CADPS2: variants seen among roughly 807,000 people sequenced by gnomAD.
CADPS2 encodes the protein calcium dependent secretion activator 2.
CADPS2 carries 93 observed loss-of-function variants against 172.5 expected under a neutral mutation model. That is an observed-to-expected ratio of 0.54 (90% CI 0.46 to 0.64). The LOEUF is 0.64. Ranked by LOEUF, CADPS2 falls within the 30% of genes least tolerant of loss-of-function variation. The probability of loss-of-function intolerance (pLI) is 0.00; values close to 1 mark genes in which losing one functional copy is unlikely to be tolerated. For missense variants in CADPS2, 1,420 were observed against 1,565.9 expected (o/e 0.91, Z 1.57); for synonymous variants, 546 against 555.2 (o/e 0.98, Z 0.23).
chr7:122,827,572 T>C (rs1805290968), intron 1 of CADPS2, among the ~76,000 whole-genome samples: 1 of 150,954 alleles, frequency 6.6e-6, no homozygotes, highest in African/African-American at 2.4e-5. Context: ...GCGGAGGTTC[T>C]GGTGAGCCAA....
At chr7:122,765,929 C>T (rs929965272) in intron 1 of CADPS2, among the ~76,000 whole-genome samples, 7 of 152,052 alleles carry the variant, frequency 4.6e-5, no homozygotes, top group South Asian at 2.1e-4. Flanking sequence ...GAATAGACAA[C>T]GTCTTAGTCC....
At chr7:122,659,201 T>C (rs1588192748) in intron 3 of CADPS2, among the ~76,000 whole-genome samples, 1 of 151,344 alleles carries the variant, frequency 6.6e-6, no homozygotes, top group African/African-American at 2.4e-5. Context: ...AGATTACTAT[T>C]ATTAATAGGC....
At chr7:122,732,232 AC>A (rs1341429663) in intron 2 of CADPS2, among the ~76,000 whole-genome samples, 14 of 151,700 alleles carry the variant, frequency 9.2e-5, no homozygotes, top group Non-Finnish European at 1.8e-4. Flanking sequence ...TTGTCAAATA[AC>A]GTGGAGAAAA....
intron 2 of CADPS2, among the ~76,000 whole-genome samples, chr7:122,674,960 G>C (rs936625978): frequency 6.6e-6 from 1 of 152,174 alleles, no homozygotes; most frequent in Non-Finnish European, 1.5e-5. Context: ...ATGAAGCTTT[G>C]TAACTGTGGT....
At chr7:122,749,159 T>C (rs529381983) in intron 1 of CADPS2, among the ~76,000 whole-genome samples, 2 of 152,138 alleles carry the variant, frequency 1.3e-5, no homozygotes, top group Admixed American at 6.6e-5. Context: ...GCATCCTCCT[T>C]CTGTCATATT....
At position 122,388,683 on chromosome 7, in the gene CADPS2, A is replaced by T; in HGVS notation, c.3064T>A (p.Phe1022Ile). 1 of 1,610,508 alleles carries T rather than the reference A, an allele frequency of 6.2e-7. No individual in the cohort carries two copies. The highest frequency in any genetic ancestry group is 1.1e-5 in the South Asian group (1 of 90,576). Residue 1022 changes from phenylalanine (F) to isoleucine (I), a missense_variant, in exon 23 of 30, where the codon TTT (phenylalanine) becomes ATT (isoleucine). Phe to Ile is a conservative substitution (Grantham distance 21, BLOSUM62 0). Transcript: ENST00000449022. Reference sequence around the variant, plus strand: ...TCTGGCCAGTGCAGATCAAAGACAAACATTTGCAGTGCATCAAGCTTCCAA... The same window carrying T: ...TCTGGCCAGTGCAGATCAAAGACAATCATTTGCAGTGCATCAAGCTTCCAA... ...LFWKLDALQMFVFDLHWPEQE... is the reference protein window; with the variant it reads ...LFWKLDALQMIVFDLHWPEQE...
chr7:122,833,547 T>C (rs1402877067), intron 1 of CADPS2, among the ~76,000 whole-genome samples: 1 of 151,344 alleles, frequency 6.6e-6, no homozygotes, highest in East Asian at 1.9e-4. Flanking sequence ...TTTTTGTTTG[T>C]TTGTTTTGTT....
intron 1 of CADPS2, among the ~76,000 whole-genome samples, chr7:122,745,140 T>C (rs1354931926): frequency 1.3e-5 from 2 of 152,020 alleles, no homozygotes; most frequent in Admixed American, 1.3e-4. Flanking sequence ...TGTGTGTGCA[T>C]GGCAGGAGCG....
chr7:122,691,619 G>A (rs2084379277), intron 2 of CADPS2, among the ~76,000 whole-genome samples: 1 of 152,184 alleles, frequency 6.6e-6, no homozygotes, highest in South Asian at 2.1e-4. Context: ...CATATGATGA[G>A]GCTATGCATA....
intron 1 of CADPS2, among the ~76,000 whole-genome samples, chr7:122,837,384 C>A (rs1023531964): frequency 1.3e-5 from 2 of 152,032 alleles, no homozygotes; most frequent in African/African-American, 2.4e-5. Context: ...GAAGCAAGAG[C>A]AAACACATTC....
At chr7:122,554,060 CA>C (rs1464968739) in intron 8 of CADPS2, among the ~76,000 whole-genome samples, 1 of 152,058 alleles carries the variant, frequency 6.6e-6, no homozygotes, top group Non-Finnish European at 1.5e-5. Flanking sequence ...CAGTTTTCTC[CA>C]ATATTGATTC....
At chr7:122,539,361 G>C (rs1443953319) in intron 8 of CADPS2, among the ~76,000 whole-genome samples, 1 of 151,950 alleles carries the variant, frequency 6.6e-6, no homozygotes, top group African/African-American at 2.4e-5. Context: ...CCTTAATCTT[G>C]GACTTTCCAG....
intron 19 of CADPS2, chr7:122,409,640 T>C: frequency 2.1e-6 from 1 of 471,384 alleles, no homozygotes; most frequent in Non-Finnish European, 4.4e-6. Flanking sequence ...GATGGCTAAA[T>C]AACGCTTTAA....
chr7:122,431,773 G>A (rs1203194686), intron 17 of CADPS2, among the ~76,000 whole-genome samples: 1 of 151,902 alleles, frequency 6.6e-6, no homozygotes, highest in Non-Finnish European at 1.5e-5. Context: ...GGTGGATCAC[G>A]AGGTCAGGGG....
At chr7:122,698,512 C>A in intron 2 of CADPS2, 1 of 1,613,980 alleles carries the variant, frequency 6.2e-7, no homozygotes, top group Non-Finnish European at 8.5e-7. Context: ...CACCTGGTTG[C>A]CAGTACCTGG....
chr7:122,737,965 T>C (rs571512742), intron 1 of CADPS2, among the ~76,000 whole-genome samples: 4 of 152,022 alleles, frequency 2.6e-5, no homozygotes, highest in South Asian at 2.1e-4. Context: ...GTTTAGATAA[T>C]TGAAGGAATA....
At chr7:122,450,981 T>A (rs1269332631) in intron 15 of CADPS2, among the ~76,000 whole-genome samples, 1 of 152,130 alleles carries the variant, frequency 6.6e-6, no homozygotes, top group Non-Finnish European at 1.5e-5. Context: ...GCTCAAAGAC[T>A]TCAGAATACT....
intron 27 of CADPS2, among the ~76,000 whole-genome samples, chr7:122,347,015 A>G (rs938536100): frequency 6.6e-6 from 1 of 152,224 alleles, no homozygotes; most frequent in African/African-American, 2.4e-5. Context: ...GATCTATTAA[A>G]TTAGATAGAT....
chr7:122,732,254 C>T (rs1429456356), intron 2 of CADPS2, among the ~76,000 whole-genome samples: 1 of 151,388 alleles, frequency 6.6e-6, no homozygotes, highest in Non-Finnish European at 1.5e-5. Context: ...AGAAATATAT[C>T]TCGGGTTTCA....
Sources: gnomAD v4.1 joint callset for allele counts (sites outside exome capture counted in the v4.1 genomes callset) on GRCh38, gnomAD v4.1.1 for gene constraint, MANE v1.5 for transcripts, NCBI Gene and HGNC (gene_info 2026-07-23, HGNC 2026-07-21) for gene names.